Variants in RBMS1 observed in about 807,000 individuals in gnomAD.
RBMS1 encodes RNA-binding motif, single-stranded-interacting protein 1.
RBMS1 carries 17 observed loss-of-function variants against 62.3 expected under a neutral mutation model. That is an observed-to-expected ratio of 0.27 (90% confidence interval 0.19 to 0.41). The LOEUF (loss-of-function observed/expected upper bound fraction) is 0.41, where lower values mean the gene tolerates loss of function less well. Among genes scored for constraint, RBMS1 ranks in the 10% least tolerant of loss-of-function variants. The probability of loss-of-function intolerance (pLI) is 1.00; values close to 1 mark genes in which losing one functional copy is unlikely to be tolerated. For synonymous variants in RBMS1, 172 were observed against 170.0 expected (o/e 1.01, Z -0.09); for missense variants, 334 against 504.5 (o/e 0.66, Z 3.24).
At chr2:160,456,565 T>C (rs1289490344) in intron 1 of RBMS1, among the ~76,000 whole-genome samples, 1 of 152,224 alleles carries the variant, frequency 6.6e-6, no homozygotes, top group Admixed American at 6.5e-5. Flanking sequence ...AAAGTTCCCT[T>C]AATAATTCAC....
chr2:160,381,950 A>G (rs1384320993), intron 1 of RBMS1, among the ~76,000 whole-genome samples: 1 of 152,138 alleles, frequency 6.6e-6, no homozygotes, highest in East Asian at 1.9e-4. Context: ...CAACTCAACA[A>G]AAAGTCAGTA....
At chr2:160,303,220 G>A (rs1235636422) in intron 5 of RBMS1, 110 bp downstream of exon 5, 2 of 1,145,202 alleles carry the variant, frequency 1.7e-6, no homozygotes, top group East Asian at 2.7e-5. Flanking sequence ...CAGTGCAACT[G>A]CTCCCATAAC....
intron 1 of RBMS1, among the ~76,000 whole-genome samples, chr2:160,371,002 A>T (rs1004682557): frequency 6.6e-6 from 1 of 152,252 alleles, no homozygotes; most frequent in African/African-American, 2.4e-5. Flanking sequence ...TTAAAGAATA[A>T]ATTCTACAAA....
intron 1 of RBMS1, among the ~76,000 whole-genome samples, chr2:160,456,674 A>T (rs1009639645): frequency 6.6e-6 from 1 of 152,176 alleles, no homozygotes; most frequent in Non-Finnish European, 1.5e-5. Flanking sequence ...CCTTCACCAC[A>T]TGGAAGCTGA....
chr2:160,288,617 C>T (rs1160663347), intron 6 of RBMS1, among the ~76,000 whole-genome samples: 4 of 152,080 alleles, frequency 2.6e-5, no homozygotes, highest in African/African-American at 9.7e-5. Flanking sequence ...TGTTAGGTGT[C>T]TGGTGAGACT....
chr2:160,484,863 T>A (rs1430124473), intron 1 of RBMS1, among the ~76,000 whole-genome samples: 1 of 99,946 alleles, frequency 1.0e-5, no homozygotes, highest in East Asian at 3.5e-4. Context: ...AGAGCAAGAC[T>A]CCGTCTCAAA....
chr2:160,448,485 G>C (rs541968992), intron 1 of RBMS1, among the ~76,000 whole-genome samples: 1 of 152,232 alleles, frequency 6.6e-6, no homozygotes, highest in South Asian at 2.1e-4. Flanking sequence ...TGATGGAGAC[G>C]GGGTTTCCCC....
intron 4 of RBMS1, among the ~76,000 whole-genome samples, chr2:160,309,623 G>A (rs936098146): frequency 1.3e-5 from 2 of 152,204 alleles, no homozygotes; most frequent in African/African-American, 4.8e-5. Context: ...AGCTATAGGA[G>A]AGAAAGATCA....
At chr2:160,308,095 G>T (rs1460757445) in intron 4 of RBMS1, among the ~76,000 whole-genome samples, 10 of 152,158 alleles carry the variant, frequency 6.6e-5, no homozygotes, top group Non-Finnish European at 1.5e-5. Context: ...AAGCACAGGG[G>T]CTGGACTTAA....
intron 1 of RBMS1, among the ~76,000 whole-genome samples, chr2:160,463,098 A>AT (rs2105334396): frequency 6.6e-6 from 1 of 152,204 alleles, no homozygotes; most frequent in Non-Finnish European, 1.5e-5. Context: ...GAAAGAAAAA[A>AT]AAAATGTTAT....
rs574541403 is a variant in RBMS1 at position 160,337,442 on chromosome 2, C to G, written c.252-19215G>C. On this transcript the variant is annotated intron_variant, in intron 2 of 13. Transcript: ENST00000348849. ...AGCCATCGTGCCTGGCCCCCAACAACTTTTTCCTTTCAATGTACTTGGTAA... is the reference window on the plus strand; with the variant it reads ...AGCCATCGTGCCTGGCCCCCAACAAGTTTTTCCTTTCAATGTACTTGGTAA... 7.2e-5 allele frequency among the ~76,000 whole-genome samples: 11 copies of G among 152,204 alleles called. 1 individual carries two copies. The South Asian group carries it at 2.3e-3, about 32-fold the overall frequency.
At chr2:160,306,851 T>G (rs530472242) in intron 4 of RBMS1, among the ~76,000 whole-genome samples, 2 of 152,260 alleles carry the variant, frequency 1.3e-5, no homozygotes, top group East Asian at 3.9e-4. Context: ...GAAATGAGGA[T>G]AGTTTAGTAT....
chr2:160,299,508 T>C (rs1440465938), intron 6 of RBMS1, among the ~76,000 whole-genome samples: 1 of 140,712 alleles, frequency 7.1e-6, no homozygotes, highest in Non-Finnish European at 1.6e-5. Context: ...TTCTCGGCTT[T>C]GCTGAAAAAA....
At position 160,321,174 on chromosome 2, in the gene RBMS1, A is replaced by C. The variant is rs1038053774; in HGVS notation, c.252-2947T>G. 3.2e-4 allele frequency among the ~76,000 whole-genome samples: 49 copies of C among 152,134 alleles called. 1 individual carries two copies. Among genetic ancestry groups the C allele is most frequent in the African/African-American group, 1.2e-3 (49 of 41,440 alleles). On this transcript the variant is annotated intron_variant, in intron 2 of 13. Coordinates refer to ENST00000348849, the MANE Select transcript of RBMS1 (RefSeq NM_016836.4). The stretch of plus-strand genomic sequence containing the variant: ...GAATGAGGAAGTAGGCAAAGAGAAA[A>C]GGCTCAGTAGTGCTGAATGCAAGCC...
chr2:160,334,172 T>C (rs1691435570), intron 2 of RBMS1, among the ~76,000 whole-genome samples: 1 of 152,168 alleles, frequency 6.6e-6, no homozygotes, highest in Non-Finnish European at 1.5e-5. Context: ...CACAACATTA[T>C]GTAAGGAGAT....
chr2:160,378,473 G>C (rs1694112564), intron 1 of RBMS1, among the ~76,000 whole-genome samples: 1 of 152,008 alleles, frequency 6.6e-6, no homozygotes, highest in Non-Finnish European at 1.5e-5. Context: ...AAATTAGCTG[G>C]GTGTGGTGGT....
chr2:160,474,625 ATTAT>A (rs561522168), intron 1 of RBMS1, among the ~76,000 whole-genome samples: 149 of 152,368 alleles, frequency 9.8e-4, no homozygotes, highest in South Asian at 1.9e-3. Context: ...CAAATTTAAC[ATTAT>A]TTACCACAAT....
chr2:160,325,280 G>A (rs975736179), intron 2 of RBMS1, among the ~76,000 whole-genome samples: 3 of 152,118 alleles, frequency 2.0e-5, no homozygotes, highest in Admixed American at 6.5e-5. Context: ...TCAGGAAGAA[G>A]TTACCTGACT....
intron 1 of RBMS1, among the ~76,000 whole-genome samples, chr2:160,440,053 G>C (rs141481165): frequency 1.8e-3 from 263 of 147,906 alleles, no homozygotes; most frequent in Non-Finnish European, 3.2e-3. Context: ...TGGAAAGAGA[G>C]GGAGAGGGAG....
Sources: gnomAD v4.1 joint callset for allele counts (sites outside exome capture counted in the v4.1 genomes callset) on GRCh38, gnomAD v4.1.1 for gene constraint, MANE v1.5 for transcripts, NCBI Gene and HGNC (gene_info 2026-07-23, HGNC 2026-07-21) for gene names.